SYNE1: variants seen among roughly 807,000 people sequenced by gnomAD.
SYNE1 encodes the protein nesprin-1.
In SYNE1, 616 loss-of-function variants were observed where a neutral mutation model predicts 1,111.0. The ratio of observed to expected loss-of-function variants is 0.55; its 90% CI spans 0.52 to 0.59. The LOEUF is 0.59. SYNE1 is among the 20% of genes least tolerant of loss of function. The pLI is 0.00. For missense variants in SYNE1, 10,006 were observed against 10,417.0 expected, an observed-to-expected ratio of 0.96 and a Z score of 1.72; for synonymous variants, 3,855 against 3,825.8, an observed-to-expected ratio of 1.01 and a Z score of -0.28.
At chr6:152,462,173 CT>C (rs2098737814) in intron 20 of SYNE1, among the ~76,000 whole-genome samples, 1 of 151,100 alleles carries the variant, frequency 6.6e-6, no homozygotes, top group South Asian at 2.1e-4. Context: ...ATTTAAATTA[CT>C]TATAGTCTTC....
intron 53 of SYNE1, 81 bp downstream of exon 53, chr6:152,390,199 C>G: frequency 6.6e-7 from 1 of 1,506,172 alleles, no homozygotes; most frequent in Admixed American, 1.7e-5. Context: ...GAATTCCACC[C>G]CAGGAGACCT....
rs369733867 is a variant in SYNE1 at position 152,363,026 on chromosome 6, C to G, written c.10146-703G>C. 6.8e-4 allele frequency among the ~76,000 whole-genome samples: 103 copies of G among 151,076 alleles called. 1 individual carries two copies. Among genetic ancestry groups the G allele is most frequent in the South Asian group, 6.1e-3 (29 of 4,778 alleles). ...CGCCCGAGTAGCTGGGACTACATGC[C>G]CCCGCCACCATGCCCGGCTAATTTT... On this transcript the variant is annotated intron_variant, in intron 63 of 145. Coordinates refer to ENST00000367255, the MANE Select transcript of SYNE1 (RefSeq NM_182961.4).
intron 107 of SYNE1, among the ~76,000 whole-genome samples, chr6:152,240,782 C>T (rs1196533642): frequency 6.6e-6 from 1 of 152,138 alleles, no homozygotes; most frequent in Non-Finnish European, 1.5e-5. Flanking sequence ...TGTAGCTTGC[C>T]CAAGGTCACA....
intron 128 of SYNE1, chr6:152,185,432 T>C (rs2069559126): frequency 6.6e-6 from 1 of 152,196 alleles, no homozygotes; most frequent in East Asian, 1.9e-4. Context: ...CACAAGCTCA[T>C]TTCCTTTTGT....
intron 70 of SYNE1, 142 bp from the exon 71 acceptor site, chr6:152,350,912 AAG>A: frequency 2.0e-6 from 2 of 981,044 alleles, no homozygotes; most frequent in South Asian, 1.5e-5. Context: ...CAAGACATTA[AAG>A]AGAGAGTGAT....
rs576193454 is a variant in SYNE1, at chr6:152,434,960, T to C, written c.4310+981A>G. On this transcript the variant is annotated intron_variant, in intron 33 of 145. Coordinates refer to ENST00000367255, the MANE Select transcript of SYNE1 (RefSeq NM_182961.4). ...TGCAACTTTTTAAATTAAATAAAGG[T>C]TAAAATGGCTATTCTTAATAGAAGT... 80 of 152,246 alleles carry C rather than the reference T, an allele frequency of 5.3e-4. 2 individuals are homozygous for C. The highest frequency in any genetic ancestry group is 1.9e-3 in the African/African-American group (77 of 41,560). The allele number at this position is 152,246 out of a possible 1,614,324, so 9.4% of individuals were successfully genotyped here. A position where few individuals can be genotyped will look rare whatever the true frequency, so the allele number is the denominator to read the frequency against.
chr6:152,147,721 C>T, intron 137 of SYNE1: 3 of 343,034 alleles, frequency 8.7e-6, no homozygotes, highest in East Asian at 1.6e-4. Context: ...ACACTGCCAT[C>T]TGAGCCCCAA....
At chr6:152,282,028 T>C (rs775611700) in intron 96 of SYNE1, 48 bp from the exon 97 acceptor site, 1 of 1,590,764 alleles carries the variant, frequency 6.3e-7, no homozygotes, top group South Asian at 1.1e-5. Context: ...AGGTAAAATC[T>C]TGAGAATTTA....
At chr6:152,200,542 C>T (rs1013947984) in intron 127 of SYNE1, among the ~76,000 whole-genome samples, 1 of 152,112 alleles carries the variant, frequency 6.6e-6, no homozygotes, top group Non-Finnish European at 1.5e-5. Context: ...GGACTACAGG[C>T]AAGCACCACC....
At chr6:152,257,998 T>A (rs1232124046) in intron 101 of SYNE1, among the ~76,000 whole-genome samples, 1 of 152,074 alleles carries the variant, frequency 6.6e-6, no homozygotes, top group African/African-American at 2.4e-5. Flanking sequence ...TAAAGAAAAC[T>A]AAATAATTCT....
At chr6:152,240,889 G>C (rs2085480172) in intron 107 of SYNE1, among the ~76,000 whole-genome samples, 1 of 152,158 alleles carries the variant, frequency 6.6e-6, no homozygotes, top group Admixed American at 6.5e-5. Context: ...TCAGAAAATG[G>C]GCTGGTGAGT....
chr6:152,125,996 A>G (rs917145030), intron 145 of SYNE1: 3 of 152,416 alleles, frequency 2.0e-5, no homozygotes, highest in Admixed American at 2.0e-4. Flanking sequence ...ATTTTTGATA[A>G]AAATGTCACC....
chr6:152,253,820 T>TTGTTTG (rs2090073433), intron 104 of SYNE1, among the ~76,000 whole-genome samples: 1 of 47,176 alleles, frequency 2.1e-5, no homozygotes, highest in African/African-American at 2.0e-4. Context: ...GTGGTTTGGT[T>TTGTTTG]TTTTTTTTTT....
intron 59 of SYNE1, among the ~76,000 whole-genome samples, chr6:152,371,093 C>A (rs781024357): frequency 5.9e-5 from 9 of 152,130 alleles, no homozygotes; most frequent in Non-Finnish European, 5.9e-5. Context: ...TAATTAAATT[C>A]ATAAATTCAA....
Position 152,471,755 on chromosome 6 carries a change from C to G in SYNE1, c.1474G>C (p.Val492Leu), listed in dbSNP as rs751913980. ...LEDMAERFHF[V>L]SSTSELHLMK... ...AGGTGTAGCTCTGATGTGGAGGAAACAAAATGAAACCTAGAAATAAAACAG... is the reference window on the plus strand; with the variant it reads ...AGGTGTAGCTCTGATGTGGAGGAAAGAAAATGAAACCTAGAAATAAAACAG... The change falls in exon 16 of 146, where the codon GTT (valine) becomes CTT (leucine). Residue 492 changes from valine to leucine, a missense_variant. Coordinates refer to ENST00000367255, the MANE Select transcript of SYNE1 (RefSeq NM_182961.4). 1 of 1,613,488 alleles carries G rather than the reference C, an allele frequency of 6.2e-7. No homozygotes were observed. The highest frequency in any genetic ancestry group is 2.2e-5 in the East Asian group (1 of 44,848).
At chr6:152,310,084 C>T (rs1235489770) in intron 89 of SYNE1, 67 bp from the exon 90 acceptor site, 39 of 1,513,320 alleles carry the variant, frequency 2.6e-5, no homozygotes, top group Non-Finnish European at 3.4e-5. Context: ...GCAAAAGGCA[C>T]TAAATTATAG....
rs149464968 is a variant in SYNE1 at position 152,303,582 on chromosome 6, C to G, written c.17347-1519G>C. Among the ~76,000 whole-genome samples the G allele has an allele frequency of 2.0e-3, 311 of 151,824 alleles. 2 individuals carry two copies. The highest frequency in any genetic ancestry group is 7.3e-3 in the African/African-American group (301 of 41,404). ...GAGGGGCGTTGGTTCTAGGAACCCT[C>G]TTAGATACAAAATTCACAGATATTC... On this transcript the variant is annotated intron_variant, in intron 91 of 145. Coordinates refer to ENST00000367255, the MANE Select transcript of SYNE1 (RefSeq NM_182961.4).
intron 5 of SYNE1, among the ~76,000 whole-genome samples, chr6:152,524,808 A>C (rs1455848639): frequency 6.6e-6 from 1 of 152,052 alleles, no homozygotes; most frequent in Non-Finnish European, 1.5e-5. Context: ...CTCTATGGGA[A>C]CTCTATAAGA....
At chr6:152,515,605 G>A (rs527753927) in intron 6 of SYNE1, among the ~76,000 whole-genome samples, 4 of 152,180 alleles carry the variant, frequency 2.6e-5, no homozygotes, top group Admixed American at 2.0e-4. Context: ...CAGACAGGAC[G>A]CAGGACCACT....
Sources: allele counts gnomAD v4.1 joint callset (sites outside exome capture counted in the v4.1 genomes callset), GRCh38; gene constraint gnomAD v4.1.1; transcripts MANE v1.5; gene names NCBI Gene and HGNC (gene_info 2026-07-23, HGNC 2026-07-21).